The following PALM2AKAP2 variants were observed in gnomAD, a reference collection of about 807,000 sequenced individuals.
PALM2AKAP2 encodes PALM2-AKAP2 fusion protein.
A neutral mutation model predicts 71.5 loss-of-function variants in PALM2AKAP2; 37 were observed. That is an observed-to-expected ratio of 0.52 (90% CI 0.40 to 0.68). The LOEUF (loss-of-function observed/expected upper bound fraction) is 0.68. PALM2AKAP2 is among the 30% of genes least tolerant of loss of function. The probability of loss-of-function intolerance (pLI) is 0.00; values close to 1 mark genes in which losing one functional copy is unlikely to be tolerated. For synonymous variants in PALM2AKAP2, 468 were observed against 478.8 expected, an observed-to-expected ratio of 0.98 and a Z score of 0.29; for missense variants, 1,224 against 1,191.8, an observed-to-expected ratio of 1.03 and a Z score of -0.40.
At position 109,691,467 on chromosome 9, in the gene PALM2AKAP2, A is replaced by G. The variant is rs143559092; in HGVS notation, c.5+50601A>G. 1.2e-3 allele frequency among the ~76,000 whole-genome samples: 179 copies of G among 152,108 alleles called. 1 individual carries two copies. The highest frequency in any genetic ancestry group is 4.0e-3 in the African/African-American group (168 of 41,516). The stretch of plus-strand genomic sequence containing the variant: ...GCTCTTTCTAGCATTTCAAATTGTG[A>G]TCTTCCTACCTGTATTTGAACAGGT... On this transcript the variant is annotated intron_variant, in intron 1 of 6. Coordinates refer to the PALM2AKAP2 transcript ENST00000374531.
intron 6 of PALM2AKAP2, chr9:109,946,703 A>AT (rs1327338619): frequency 6.6e-6 from 1 of 151,552 alleles, no homozygotes; most frequent in African/African-American, 2.4e-5. Flanking sequence ...AAAAAAAAAA[A>AT]AAAAAAAAAT....
rs1298917300 is a variant in PALM2AKAP2 at position 109,990,932 on chromosome 9, A to G, written c.497-25022A>G. On this transcript the variant is annotated intron_variant, in intron 6 of 9. Transcript: ENST00000302798. ...TCCAAATTTCCTTTTGGTGCCGAGTAATTTGTTTTCAACTAGTGTAAGAGG... is the reference window on the plus strand; with the variant it reads ...TCCAAATTTCCTTTTGGTGCCGAGTGATTTGTTTTCAACTAGTGTAAGAGG... Among the ~76,000 whole-genome samples, 4 of 152,194 alleles carry G rather than the reference A, an allele frequency of 2.6e-5. No individual in the cohort carries two copies. In the South Asian group the frequency reaches 6.2e-4, roughly 24 times the overall value.
intron 1 of PALM2AKAP2, among the ~76,000 whole-genome samples, chr9:109,717,638 A>G (rs1179331277): frequency 6.6e-6 from 1 of 152,232 alleles, no homozygotes; most frequent in East Asian, 1.9e-4. Context: ...AATTATGAAA[A>G]GGTGCGGATA....
intron 1 of PALM2AKAP2, among the ~76,000 whole-genome samples, chr9:109,856,114 G>GT (rs1829156925): frequency 2.0e-5 from 3 of 152,098 alleles, no homozygotes; most frequent in African/African-American, 7.2e-5. Flanking sequence ...CTGAGAAACT[G>GT]TTTTTTGGAG....
chr9:109,973,880 G>A (rs1832119130), intron 6 of PALM2AKAP2, among the ~76,000 whole-genome samples: 1 of 152,156 alleles, frequency 6.6e-6, no homozygotes, highest in South Asian at 2.1e-4. Context: ...GCTTCTTGAG[G>A]ACTCATTTTC....
intron 1 of PALM2AKAP2, chr9:110,048,937 G>A: frequency 7.1e-7 from 1 of 1,402,348 alleles, no homozygotes; most frequent in Non-Finnish European, 9.3e-7. Flanking sequence ...GGTTGCCGAG[G>A]AAGGGCTGGA....
At chr9:109,865,811 T>C (rs913880924) in intron 1 of PALM2AKAP2, among the ~76,000 whole-genome samples, 1 of 152,330 alleles carries the variant, frequency 6.6e-6, no homozygotes, top group East Asian at 1.9e-4. Context: ...GTAAGTCTAC[T>C]CTTGAGAGAT....
At chr9:110,018,085 A>G (rs375105646) in intron 7 of PALM2AKAP2, among the ~76,000 whole-genome samples, 1 of 152,300 alleles carries the variant, frequency 6.6e-6, no homozygotes, top group Non-Finnish European at 1.5e-5. Flanking sequence ...TAAGATTGCT[A>G]CTTAACCAGG....
At chr9:110,011,512 A>C (rs1325854182) in intron 6 of PALM2AKAP2, among the ~76,000 whole-genome samples, 2 of 152,216 alleles carry the variant, frequency 1.3e-5, no homozygotes, top group African/African-American at 2.4e-5. Context: ...AGGGGATTAC[A>C]AATCAGCATT....
At chr9:110,168,740 T>G (rs894585428) in exon 4 of PALM2AKAP2, 2 of 457,870 alleles carry the variant, frequency 4.4e-6, no homozygotes, top group African/African-American at 4.0e-5. Context: ...TCCCAGTGTC[T>G]GGTTTGGGGC....
At chr9:109,672,382 C>T (rs1827586768) in intron 1 of PALM2AKAP2, among the ~76,000 whole-genome samples, 1 of 152,050 alleles carries the variant, frequency 6.6e-6, no homozygotes, top group African/African-American at 2.4e-5. Context: ...GTCTTTAATT[C>T]TGTTTCTGTG....
At chr9:109,916,534 C>G (rs949205064) in intron 3 of PALM2AKAP2, among the ~76,000 whole-genome samples, 3 of 152,238 alleles carry the variant, frequency 2.0e-5, no homozygotes, top group African/African-American at 7.2e-5. Context: ...GCCACATGCT[C>G]CTGAGTGACA....
chr9:110,076,274 C>G (rs1329014447), intron 1 of PALM2AKAP2, among the ~76,000 whole-genome samples: 1 of 151,744 alleles, frequency 6.6e-6, no homozygotes, highest in African/African-American at 2.4e-5. Context: ...ATAAAATATT[C>G]CACCGAATTT....
In PALM2AKAP2 at chr9:109,935,342, T is replaced by G. The variant is rs76704236; in HGVS notation, c.496+3314T>G. 4.4e-3 allele frequency among the ~76,000 whole-genome samples: 671 copies of G among 152,348 alleles called. 3 individuals carry two copies. Among genetic ancestry groups the G allele is most frequent in the Non-Finnish European group, 6.2e-3 (422 of 68,026 alleles). The stretch of plus-strand genomic sequence containing the variant: ...CATGTTGGAACCAAAGTCAGAGCCC[T>G]GTGGCACACCATTAGAGATCTCTTG... On this transcript the variant is annotated intron_variant, in intron 6 of 9. Transcript: ENST00000302798.
chr9:109,995,693 C>T (rs985635937), intron 6 of PALM2AKAP2, among the ~76,000 whole-genome samples: 7 of 152,222 alleles, frequency 4.6e-5, no homozygotes, highest in Admixed American at 6.5e-5. Context: ...GTCTTCATGA[C>T]TCAGTTACCT....
intron 6 of PALM2AKAP2, among the ~76,000 whole-genome samples, chr9:109,989,744 T>C (rs1202121817): frequency 6.6e-6 from 1 of 152,208 alleles, no homozygotes; most frequent in Non-Finnish European, 1.5e-5. Context: ...CCCTGCCAGC[T>C]TCTCCTACTG....
In PALM2AKAP2 at chr9:110,165,987, T is replaced by A. The variant is rs573424798; in HGVS notation, c.2749-2412T>A. On this transcript the variant is annotated intron_variant, in intron 3 of 3. Coordinates refer to ENST00000374525, the Ensembl canonical transcript of PALM2AKAP2. Reference sequence around the variant, plus strand: ...TAGTTTTTAGAACTTTAGATTTATTTTTAGCTTTGATGTAAACCTTTCTGT... The same window carrying A: ...TAGTTTTTAGAACTTTAGATTTATTATTAGCTTTGATGTAAACCTTTCTGT... Among the ~76,000 whole-genome samples the A allele has an allele frequency of 7.9e-5, 12 of 152,320 alleles. 1 individual carries two copies. Among genetic ancestry groups the A allele is most frequent in the African/African-American group, 2.6e-4 (11 of 41,558 alleles).
intron 1 of PALM2AKAP2, among the ~76,000 whole-genome samples, chr9:109,847,067 C>T (rs911096755): frequency 6.6e-6 from 1 of 152,138 alleles, no homozygotes. Flanking sequence ...AACAATGGCG[C>T]CCTAAAAGAT....
At chr9:110,159,614 G>C (rs568590446) in intron 3 of PALM2AKAP2, among the ~76,000 whole-genome samples, 2,005 of 152,298 alleles carry the variant, frequency 0.013, 14 homozygotes, top group South Asian at 0.022. Context: ...TGATATGTTA[G>C]ACACAATGGT....
Sources: gnomAD v4.1 joint callset for allele counts (sites outside exome capture counted in the v4.1 genomes callset) on GRCh38, gnomAD v4.1.1 for gene constraint, MANE v1.5 for transcripts, NCBI Gene and HGNC (gene_info 2026-07-23, HGNC 2026-07-21) for gene names.